ARHGEF18: variants seen among roughly 807,000 people sequenced by gnomAD.
ARHGEF18 encodes rho guanine nucleotide exchange factor 18.
ARHGEF18 carries 93 observed loss-of-function variants against 155.7 expected under a neutral mutation model. That is an observed-to-expected ratio of 0.60 (90% confidence interval 0.50 to 0.71). The LOEUF (loss-of-function observed/expected upper bound fraction) is 0.71. ARHGEF18 is among the 30% of genes least tolerant of loss of function. ARHGEF18 has a pLI of 0.00. For missense variants in ARHGEF18, 1,593 were observed against 1,816.1 expected (o/e 0.88, Z 2.23); for synonymous variants, 742 against 753.1 (o/e 0.99, Z 0.24).
intron 1 of ARHGEF18, among the ~76,000 whole-genome samples, chr19:7,350,733 CATCTGTTAA>C (rs766657766): frequency 1.5e-4 from 23 of 150,476 alleles, no homozygotes; most frequent in Admixed American, 6.6e-5. Flanking sequence ...TTCGTTTGCT[CATCTGTTAA>C]AAGGCTGTTG....
chr19:7,446,156 G>A (rs1974973679), intron 14 of ARHGEF18, among the ~76,000 whole-genome samples: 1 of 152,118 alleles, frequency 6.6e-6, no homozygotes, highest in South Asian at 2.1e-4. Context: ...CCAACACTTT[G>A]GGAGGCTGAG....
chr19:7,462,157 T>C lies in ARHGEF18; in HGVS notation c.2458T>C (p.Leu820=), dbSNP rs200110750. The C allele has an allele frequency of 5.1e-5, 83 of 1,613,744 alleles. 1 individual carries two copies. The highest frequency in any genetic ancestry group is 8.9e-5 in the East Asian group (4 of 44,872). The change falls in exon 21 of 29, where the codon TTG becomes CTG. Residue 820 remains leucine (L), a synonymous_variant. Coordinates refer to ENST00000668164, the MANE Select transcript of ARHGEF18 (RefSeq NM_001367823.1). The surrounding 1 kb of genome is among the most constrained non-coding windows in gnomAD (Gnocchi z 4.4). ...CCTCCACCATCACTCTGCAGAGCGG[T>C]TGAGCATGAAAGACCAGCTGATCGC... The part of the protein sequence containing the change: ...ATRLRDFQER[L]SMKDQLIAQS...
intron 10 of ARHGEF18, among the ~76,000 whole-genome samples, chr19:7,384,448 G>A (rs1156452989): frequency 6.6e-6 from 1 of 152,206 alleles, no homozygotes; most frequent in Non-Finnish European, 1.5e-5. Context: ...AAGTGCCTCT[G>A]AGCAACGTGC....
chr19:7,394,857 G>A (rs1971599128), intron 10 of ARHGEF18: 1 of 158,860 alleles, frequency 6.3e-6, no homozygotes, highest in African/African-American at 2.4e-5. Flanking sequence ...CTGACAGCCA[G>A]GCTCGCATTG....
chr19:7,402,361 G>T (rs1324662365), intron 10 of ARHGEF18, among the ~76,000 whole-genome samples: 1 of 152,214 alleles, frequency 6.6e-6, no homozygotes, highest in African/African-American at 2.4e-5. Flanking sequence ...GGAGGTTGCA[G>T]TGAGCCGAGA....
intron 10 of ARHGEF18, among the ~76,000 whole-genome samples, chr19:7,399,878 T>C (rs1971942617): frequency 6.7e-6 from 1 of 149,626 alleles, no homozygotes; most frequent in Non-Finnish European, 1.5e-5. Context: ...GCTCAAGCAA[T>C]CCTCCCACTT....
At chr19:7,397,470 A>T (rs1011822660) in intron 10 of ARHGEF18, among the ~76,000 whole-genome samples, 4 of 150,264 alleles carry the variant, frequency 2.7e-5, no homozygotes, top group Non-Finnish European at 5.9e-5. Context: ...GGTGGCTCAC[A>T]CCTGTAATCC....
intron 16 of ARHGEF18, among the ~76,000 whole-genome samples, chr19:7,451,722 TTTTTGTTTTG>T (rs1453619030): frequency 6.7e-6 from 1 of 148,984 alleles, no homozygotes; most frequent in Non-Finnish European, 1.5e-5. Flanking sequence ...GGCCTGGGTT[TTTTTGTTTTG>T]TTTTGTTTTG....
intron 14 of ARHGEF18, 44 bp from the exon 15 acceptor site, chr19:7,446,999 C>T (rs1232971076): frequency 1.3e-6 from 2 of 1,599,508 alleles, no homozygotes; most frequent in East Asian, 4.5e-5. Flanking sequence ...TACTCTTTGG[C>T]AGTTTTCGTG....
At chr19:7,461,090 T>C (rs138535400) in intron 20 of ARHGEF18, among the ~76,000 whole-genome samples, 31 of 149,986 alleles carry the variant, frequency 2.1e-4, no homozygotes, top group African/African-American at 7.5e-4. Context: ...CCCGGCCCTG[T>C]ATTATTCATT....
At chr19:7,421,158 C>T (rs1337382597) in intron 10 of ARHGEF18, among the ~76,000 whole-genome samples, 1 of 151,602 alleles carries the variant, frequency 6.6e-6, no homozygotes. Flanking sequence ...CTCAAAACTC[C>T]TGGGCTCAAG....
intron 1 of ARHGEF18, among the ~76,000 whole-genome samples, chr19:7,357,780 G>T (rs1488336627): frequency 6.6e-6 from 1 of 152,094 alleles, no homozygotes; most frequent in African/African-American, 2.4e-5. Flanking sequence ...AGTAAGGCTT[G>T]AGAGAGGAGA....
chr19:7,427,572 G>T (rs1973732699), intron 10 of ARHGEF18, among the ~76,000 whole-genome samples: 1 of 151,752 alleles, frequency 6.6e-6, no homozygotes, highest in Non-Finnish European at 1.5e-5. Context: ...TGGAGCCCAG[G>T]AGGTCAAGGC....
intron 10 of ARHGEF18, among the ~76,000 whole-genome samples, chr19:7,411,590 A>G (rs1334257699): frequency 6.6e-6 from 1 of 152,150 alleles, no homozygotes; most frequent in African/African-American, 2.4e-5. Context: ...GACAGGTGTC[A>G]GCCACCGTGC....
chr19:7,421,808 C>G (rs1973365041), intron 10 of ARHGEF18, among the ~76,000 whole-genome samples: 1 of 152,208 alleles, frequency 6.6e-6, no homozygotes, highest in Non-Finnish European at 1.5e-5. Context: ...GGCCCTGACT[C>G]CACGCACGTC....
At chr19:7,459,427 C>T (rs1415767961) in intron 19 of ARHGEF18, among the ~76,000 whole-genome samples, 2 of 152,134 alleles carry the variant, frequency 1.3e-5, no homozygotes, top group Non-Finnish European at 2.9e-5. Context: ...ACTGTGTTGC[C>T]CAGGCTGGTC....
At chr19:7,362,673 T>C in intron 1 of ARHGEF18, 108 bp from the exon 2 acceptor site, 1 of 1,054,462 alleles carries the variant, frequency 9.5e-7, no homozygotes, top group East Asian at 3.3e-5. Context: ...ATTTTATAGT[T>C]GAGAAAACTG....
intron 10 of ARHGEF18, among the ~76,000 whole-genome samples, chr19:7,435,342 C>A (rs1253381755): frequency 6.6e-6 from 1 of 152,076 alleles, no homozygotes; most frequent in Non-Finnish European, 1.5e-5. Context: ...AAATGACCGT[C>A]AGGAAGGAAG....
At chr19:7,468,749 G>A in intron 26 of ARHGEF18, 76 bp from the exon 27 acceptor site, 1 of 1,423,782 alleles carries the variant, frequency 7.0e-7, no homozygotes, top group South Asian at 1.4e-5. Flanking sequence ...GGTCTCCTGT[G>A]CACGACCCTC....
Sources: gnomAD v4.1 joint callset for allele counts (sites outside exome capture counted in the v4.1 genomes callset) on GRCh38, gnomAD v4.1.1 for gene constraint, Gnocchi (gnomAD v3.1) non-coding constraint, MANE v1.5 for transcripts, NCBI Gene and HGNC (gene_info 2026-07-23, HGNC 2026-07-21) for gene names.